The following C4BPB variants were observed in gnomAD, a reference collection of about 807,000 sequenced individuals.
C4BPB encodes complement component 4 binding protein beta.
Under a neutral mutation model 26.6 loss-of-function variants are expected in C4BPB, and 19 were observed. The observed-to-expected ratio is 0.71, with a 90% CI of 0.50 to 1.05. C4BPB has a LOEUF of 1.05. Ranked by LOEUF, C4BPB falls within the 50% of genes least tolerant of loss-of-function variation. The probability of loss-of-function intolerance (pLI) is 0.00; values close to 1 mark genes in which losing one functional copy is unlikely to be tolerated. For synonymous variants in C4BPB, 118 were observed against 103.5 expected (o/e 1.14, Z -0.85); for missense variants, 282 against 302.9 (o/e 0.93, Z 0.51).
intron 4 of C4BPB, 161 bp from the exon 5 acceptor site, chr1:207,096,361 G>C (rs1459321245): frequency 7.9e-6 from 5 of 632,410 alleles, no homozygotes; most frequent in Non-Finnish European, 1.4e-5. Context: ...ATGAAGAACA[G>C]GTTTCCAGAT....
intron 6 of C4BPB, among the ~76,000 whole-genome samples, chr1:207,099,399 C>T (rs1038296193): frequency 1.3e-5 from 2 of 152,258 alleles, no homozygotes; most frequent in East Asian, 3.9e-4. Context: ...GCTGTGTGGC[C>T]CAGTTCCTAA....
At chr1:207,094,155 A>G (rs1435374328) in intron 4 of C4BPB, among the ~76,000 whole-genome samples, 1 of 152,140 alleles carries the variant, frequency 6.6e-6, no homozygotes, top group African/African-American at 2.4e-5. Flanking sequence ...TGCTATCACT[A>G]TTTGGATGTA....
intron 5 of C4BPB, 79 bp downstream of exon 5, chr1:207,096,694 A>G (rs893129375): frequency 1.3e-6 from 1 of 775,104 alleles, no homozygotes; most frequent in African/African-American, 1.8e-5. Flanking sequence ...GTCTGTGTCC[A>G]CCTGGTCATC....
chr1:207,098,183 C>G lies in C4BPB; in HGVS notation c.537C>G (p.Cys179Trp). The change falls in exon 6 of 7, where the codon TGC (cysteine) becomes TGG (tryptophan). Residue 179 changes from cysteine to tryptophan, a missense_variant. Physicochemically the swap from Cys to Trp is radical, Grantham distance 215. Transcript: ENST00000367078. Reference protein sequence around the residue: ...YYLVGVQEQQCVDGEWSSALP... With the variant: ...YYLVGVQEQQWVDGEWSSALP... Reference sequence around the variant, plus strand: ...TAGTGGGCGTGCAGGAGCAGCAATGCGTTGATGGGGAGTGGAGCAGTGCAC... The same window carrying G: ...TAGTGGGCGTGCAGGAGCAGCAATGGGTTGATGGGGAGTGGAGCAGTGCAC... 4.3e-6 allele frequency: 7 copies of G among 1,613,994 alleles called. No homozygotes were observed. The highest frequency in any genetic ancestry group is 5.9e-6 in the Non-Finnish European group (7 of 1,179,878).
chr1:207,089,670 T>C (rs1683946451), intron 2 of C4BPB, 81 bp downstream of exon 2: 2 of 1,152,982 alleles, frequency 1.7e-6, no homozygotes, highest in Non-Finnish European at 2.6e-6. Flanking sequence ...TCTAGGGCTT[T>C]AAGGAAGTTT....
intron 4 of C4BPB, chr1:207,096,169 C>T (rs1684241780): frequency 1.1e-5 from 3 of 280,408 alleles, no homozygotes; most frequent in Non-Finnish European, 1.4e-5. Flanking sequence ...TTTCTTCAGC[C>T]TTCACCTATG....
intron 1 of C4BPB, chr1:207,089,209 G>A (rs1335969590): frequency 3.4e-5 from 11 of 319,388 alleles, no homozygotes; most frequent in Middle Eastern, 8.9e-4. Flanking sequence ...ATAAGCCTGC[G>A]TTTCAAAAAG....
chr1:207,092,667 G>A (rs1205711828), intron 4 of C4BPB, among the ~76,000 whole-genome samples: 37 of 119,082 alleles, frequency 3.1e-4, no homozygotes, highest in African/African-American at 1.2e-3. Context: ...TTACTCTATT[G>A]CCCAGGCTGG....
At chr1:207,090,514 T>C (rs1462512848) in intron 3 of C4BPB, 33 bp downstream of exon 3, 2 of 1,557,400 alleles carry the variant, frequency 1.3e-6, no homozygotes, top group African/African-American at 1.4e-5. Flanking sequence ...TTTGCCCATA[T>C]TGATATCCTG....
chr1:207,098,002 G>A (rs1246152085), intron 5 of C4BPB, 148 bp from the exon 6 acceptor site: 10 of 639,758 alleles, frequency 1.6e-5, no homozygotes, highest in Admixed American at 5.5e-5. Flanking sequence ...TTGTAATACC[G>A]AGATAACTTA....
At chr1:207,095,835 G>A (rs1684228234) in intron 4 of C4BPB, 1 of 184,858 alleles carries the variant, frequency 5.4e-6, no homozygotes. Context: ...AGATCTGGTT[G>A]TTTAAAAGTG....
intron 6 of C4BPB, 61 bp from the exon 7 acceptor site, chr1:207,099,728 A>G (rs1419925216): frequency 2.7e-6 from 4 of 1,462,602 alleles, no homozygotes; most frequent in Non-Finnish European, 2.8e-6. Context: ...CACTGGCTTC[A>G]GAGTATATAG....
In C4BPB at chr1:207,098,157, T is replaced by C; in HGVS notation, c.511T>C (p.Leu171=). 2 of 1,613,358 alleles carry C rather than the reference T, an allele frequency of 1.2e-6. No homozygotes were observed. The highest frequency in any genetic ancestry group is 2.2e-5 in the South Asian group (2 of 91,066). ...ISYYCEDRYY[L]VGVQEQQCVD... is the part of the protein sequence containing the mutation. ...GTTCTAATTTCTGTTCAGGTACTACTTAGTGGGCGTGCAGGAGCAGCAATG... is the reference window on the plus strand; with the variant it reads ...GTTCTAATTTCTGTTCAGGTACTACCTAGTGGGCGTGCAGGAGCAGCAATG... Residue 171 remains leucine, a synonymous_variant, in exon 6 of 7, where the codon TTA becomes CTA. Coordinates refer to ENST00000367078, the MANE Select transcript of C4BPB (RefSeq NM_001017365.3).
intron 4 of C4BPB, 139 bp downstream of exon 4, chr1:207,091,959 C>T: frequency 1.4e-6 from 1 of 692,368 alleles, no homozygotes; most frequent in Non-Finnish European, 2.3e-6. Flanking sequence ...AGCCATGAAA[C>T]AAGTGGAGCT....
chr1:207,096,762 C>A (rs1684266367), intron 5 of C4BPB, 147 bp downstream of exon 5: 1 of 600,542 alleles, frequency 1.7e-6, no homozygotes, highest in Non-Finnish European at 3.0e-6. Context: ...CTGCTTTGGC[C>A]CTCTGCTAGC....
chr1:207,094,426 T>C (rs1465652946), intron 4 of C4BPB, among the ~76,000 whole-genome samples: 1 of 152,254 alleles, frequency 6.6e-6, no homozygotes, highest in Non-Finnish European at 1.5e-5. Flanking sequence ...TACTATTATA[T>C]ATACAGTTAA....
chr1:207,090,742 ATT>A (rs149283546), intron 3 of C4BPB, among the ~76,000 whole-genome samples: 2 of 151,402 alleles, frequency 1.3e-5, no homozygotes, highest in African/African-American at 4.9e-5. Flanking sequence ...ATTAGAACTA[ATT>A]TTTTTTTGCT....
intron 6 of C4BPB, among the ~76,000 whole-genome samples, chr1:207,098,852 G>C (rs1474290071): frequency 6.6e-6 from 1 of 152,006 alleles, no homozygotes; most frequent in Non-Finnish European, 1.5e-5. Context: ...CAGATCATCA[G>C]GCATTAGATT....
At chr1:207,094,746 A>C (rs4403634) in intron 4 of C4BPB, among the ~76,000 whole-genome samples, 60,773 of 152,040 alleles carry the variant, frequency 0.4, 14,664 homozygotes, top group East Asian at 0.76. Flanking sequence ...CAACTCCTGG[A>C]AATTCTTCTT....
Sources: allele counts gnomAD v4.1 joint callset (sites outside exome capture counted in the v4.1 genomes callset), GRCh38; gene constraint gnomAD v4.1.1; transcripts MANE v1.5; gene names NCBI Gene and HGNC (gene_info 2026-07-23, HGNC 2026-07-21).